The following MYT1L variants were observed in gnomAD, a reference collection of about 807,000 sequenced individuals.
The protein encoded by MYT1L is myelin transcription factor 1 like, also known as myelin transcription factor 1-like protein.
A neutral mutation model predicts 126.7 loss-of-function variants in MYT1L; 12 were observed. The observed-to-expected ratio is 0.09, with a 90% CI of 0.06 to 0.15. The LOEUF is 0.15. MYT1L is among the 10% of genes least tolerant of loss of function. The pLI, the probability that MYT1L is intolerant of heterozygous loss-of-function variation, is 1.00. For missense variants in MYT1L, 979 were observed against 1,585.2 expected, an observed-to-expected ratio of 0.62 and a Z score of 6.49; for synonymous variants, 541 against 604.2, an observed-to-expected ratio of 0.90 and a Z score of 1.53.
rs1294270211 is a variant in MYT1L at position 1,889,237 on chromosome 2, A to G, written c.2520+4T>C. 5 of 1,612,228 alleles carry G rather than the reference A, an allele frequency of 3.1e-6. No individual in the cohort carries two copies. The Admixed American group carries it at 8.3e-5, about 27-fold the overall frequency. On this transcript the variant is annotated splice_donor_region_variant and intron_variant, in intron 16 of 24. Transcript: ENST00000647738. The surrounding 1 kb of genome is among the most constrained non-coding windows in gnomAD (Gnocchi z 4.1). ...TCAACACAGGCTCAATGAAAAGGAC[A>G]TACAGTAATGTCTTTGGACTCGTCC... is the stretch of plus-strand genomic sequence containing the variant.
At chr2:1,809,412 C>G (rs1296484280) in intron 21 of MYT1L, among the ~76,000 whole-genome samples, 1 of 114,028 alleles carries the variant, frequency 8.8e-6, no homozygotes, top group Non-Finnish European at 2.0e-5. Flanking sequence ...GGGGCTGCCT[C>G]TTGGCGGGGG....
chr2:2,037,516 G>A (rs1055899760), intron 4 of MYT1L, among the ~76,000 whole-genome samples: 3 of 151,474 alleles, frequency 2.0e-5, no homozygotes, highest in Non-Finnish European at 4.4e-5. Context: ...AGCACCTTGG[G>A]AAGCCAAGGT....
At chr2:1,973,293 A>C (rs2059940475) in intron 8 of MYT1L, among the ~76,000 whole-genome samples, 1 of 152,254 alleles carries the variant, frequency 6.6e-6, no homozygotes, top group South Asian at 2.1e-4. Context: ...TCTGTAATAA[A>C]TATTAACAAA....
intron 15 of MYT1L, among the ~76,000 whole-genome samples, chr2:1,891,366 G>A (rs373765737): frequency 6.6e-6 from 1 of 152,174 alleles, no homozygotes; most frequent in Non-Finnish European, 1.5e-5. Flanking sequence ...CTCCCCAGCC[G>A]CCTGGTGGCC....
At chr2:2,219,272 C>T (rs1015690731) in intron 2 of MYT1L, among the ~76,000 whole-genome samples, 1 of 152,022 alleles carries the variant, frequency 6.6e-6, no homozygotes, top group African/African-American at 2.4e-5. Flanking sequence ...TAGTGTAGGG[C>T]CCAGGATATG....
intron 4 of MYT1L, among the ~76,000 whole-genome samples, chr2:2,040,490 C>T (rs145112203): frequency 2.0e-5 from 3 of 152,288 alleles, no homozygotes; most frequent in Admixed American, 1.3e-4. Flanking sequence ...AGGGTGTCCC[C>T]GTTCCAGAAG....
chr2:2,117,592 T>C (rs757530994), intron 3 of MYT1L, among the ~76,000 whole-genome samples: 1 of 152,218 alleles, frequency 6.6e-6, no homozygotes, highest in Non-Finnish European at 1.5e-5. Context: ...GTGAGACCCA[T>C]GAACAACACG....
intron 3 of MYT1L, among the ~76,000 whole-genome samples, chr2:2,162,522 C>T (rs2088183113): frequency 6.6e-6 from 1 of 152,158 alleles, no homozygotes; most frequent in South Asian, 2.1e-4. Flanking sequence ...TCTTCCTGGG[C>T]ACACAGGATG....
intron 2 of MYT1L, among the ~76,000 whole-genome samples, chr2:2,184,534 T>G (rs1052892580): frequency 3.9e-5 from 6 of 152,210 alleles, no homozygotes; most frequent in Non-Finnish European, 8.8e-5. Context: ...GGGGATTTTT[T>G]TCATGGGATG....
intron 2 of MYT1L, among the ~76,000 whole-genome samples, chr2:2,223,207 T>C (rs1400802793): frequency 1.3e-5 from 2 of 152,222 alleles, no homozygotes; most frequent in Non-Finnish European, 2.9e-5. Context: ...AAATCAGACC[T>C]GGTTAACTCC....
chr2:2,122,750 C>G (rs1035033635), intron 3 of MYT1L, among the ~76,000 whole-genome samples: 1 of 151,996 alleles, frequency 6.6e-6, no homozygotes, highest in African/African-American at 2.4e-5. Flanking sequence ...AACTTACTGT[C>G]CTTCCGCATC....
intron 1 of MYT1L, among the ~76,000 whole-genome samples, chr2:2,317,773 G>C (rs993621943): frequency 6.6e-6 from 1 of 152,070 alleles, no homozygotes; most frequent in Non-Finnish European, 1.5e-5. Flanking sequence ...AACCAAACCA[G>C]GCAGAGTAAA....
chr2:1,941,630 A>G (rs1303691924), intron 9 of MYT1L, among the ~76,000 whole-genome samples: 1 of 152,174 alleles, frequency 6.6e-6, no homozygotes, highest in South Asian at 2.1e-4. Context: ...TAGCGAGACA[A>G]AAAATCTTGG....
intron 3 of MYT1L, among the ~76,000 whole-genome samples, chr2:2,105,410 G>A (rs1156382173): frequency 3.9e-5 from 6 of 152,226 alleles, no homozygotes; most frequent in Admixed American, 2.0e-4. Flanking sequence ...TCTAGAATGA[G>A]TGATATCTGT....
intron 3 of MYT1L, among the ~76,000 whole-genome samples, chr2:2,122,849 G>C (rs187133630): frequency 6.9e-6 from 1 of 145,378 alleles, no homozygotes; most frequent in African/African-American, 2.7e-5. Context: ...GTGTGTGTGT[G>C]TGTGTGTGTG....
intron 5 of MYT1L, among the ~76,000 whole-genome samples, chr2:1,993,249 C>T (rs1486047126): frequency 3.3e-5 from 5 of 152,152 alleles, no homozygotes; most frequent in South Asian, 2.1e-4. Flanking sequence ...ACCCCTTGGG[C>T]GGTTACATTA....
At chr2:1,882,044 AG>A (rs2047626785) in intron 18 of MYT1L, among the ~76,000 whole-genome samples, 1 of 152,166 alleles carries the variant, frequency 6.6e-6, no homozygotes, top group Non-Finnish European at 1.5e-5. Flanking sequence ...CCTGTTCCTC[AG>A]TTCTCACATC....
Position 1,922,545 on chromosome 2 carries a change from C to T in MYT1L, c.1224G>A (p.Arg408=). Residue 408 remains arginine, a synonymous_variant, in exon 10 of 25, where the codon CGG becomes CGA. Coordinates refer to ENST00000647738, the MANE Select transcript of MYT1L (RefSeq NM_001303052.2). This position sits in a 1 kb window ranked among gnomAD's most constrained non-coding sequence, Gnocchi z 7.4. ...AGTTCACAGAGGTGGTATCGTCGTC[C>T]CGCTCATGACACCCATCCTCCTTCG... ...SCAKEDGCHE[R]DDDTTSVNSD... The T allele has an allele frequency of 6.2e-7, 1 of 1,613,988 alleles. No individual in the cohort carries two copies. Among genetic ancestry groups the T allele is most frequent in the Non-Finnish European group, 8.5e-7 (1 of 1,179,900 alleles).
At chr2:2,135,613 T>A (rs907605174) in intron 3 of MYT1L, among the ~76,000 whole-genome samples, 1 of 152,150 alleles carries the variant, frequency 6.6e-6, no homozygotes, top group East Asian at 1.9e-4. Context: ...AATGTATACA[T>A]GAACGAATGA....
Sources: allele counts gnomAD v4.1 joint callset (sites outside exome capture counted in the v4.1 genomes callset), GRCh38; gene constraint gnomAD v4.1.1; non-coding constraint Gnocchi (gnomAD v3.1); transcripts MANE v1.5; gene names NCBI Gene and HGNC (gene_info 2026-07-23, HGNC 2026-07-21).